The following RBPJ variants were observed in gnomAD, a reference collection of about 807,000 sequenced individuals.
RBPJ encodes the protein recombination signal binding protein for immunoglobulin kappa J region, also known as recombining binding protein suppressor of hairless.
In RBPJ, 9 loss-of-function variants were observed where a neutral mutation model predicts 67.8. The ratio of observed to expected loss-of-function variants is 0.13; its 90% confidence interval spans 0.08 to 0.23. The LOEUF is 0.23. Among genes scored for constraint, RBPJ ranks in the 10% least tolerant of loss-of-function variants. The pLI is 1.00. For synonymous variants in RBPJ, 198 were observed against 203.3 expected, an observed-to-expected ratio of 0.97 and a Z score of 0.22; for missense variants, 305 against 595.6, an observed-to-expected ratio of 0.51 and a Z score of 5.08.
intron 1 of RBPJ, among the ~76,000 whole-genome samples, chr4:26,345,938 G>A (rs1726088971): frequency 6.6e-6 from 1 of 152,128 alleles, no homozygotes; most frequent in African/African-American, 2.4e-5. Flanking sequence ...GCTCTATAAT[G>A]AAGCTTTTTT....
chr4:26,259,671 G>A (rs1442140242), intron 1 of RBPJ, among the ~76,000 whole-genome samples: 2 of 152,200 alleles, frequency 1.3e-5, no homozygotes, highest in Non-Finnish European at 2.9e-5. Context: ...CCTCAATTTT[G>A]TAGTCAGAAT....
intron 1 of RBPJ, among the ~76,000 whole-genome samples, chr4:26,341,965 A>G (rs925260468): frequency 1.3e-4 from 20 of 152,220 alleles, no homozygotes; most frequent in African/African-American, 4.6e-4. Flanking sequence ...GGGATGGGAC[A>G]TAGTGCAAAA....
rs192940461 is a variant in RBPJ at position 26,270,477 on chromosome 4, T to C, written c.-166-91969T>C. On this transcript the variant is annotated intron_variant, in intron 1 of 4. Coordinates refer to the RBPJ transcript ENST00000512351. ...GAAAGAAAAGAAAAGGAAAGAAAGA[T>C]GAAAGGAGGGAGGAAGGAAGGAAGG... 9.9e-4 allele frequency among the ~76,000 whole-genome samples: 130 copies of C among 131,836 alleles called. 2 individuals carry two copies. The highest frequency in any genetic ancestry group is 3.6e-3 in the African/African-American group (126 of 35,396). The allele number at this position is 131,836 out of a possible 152,430, so 86.5% of individuals were successfully genotyped here.
intron 1 of RBPJ, among the ~76,000 whole-genome samples, chr4:26,305,771 C>T (rs201876162): frequency 2.0e-3 from 134 of 67,646 alleles, no homozygotes; most frequent in Admixed American, 3.6e-3. Context: ...ATTTTCTTTT[C>T]TTTTTTTTTT....
At chr4:26,270,517 C>T (rs914168839) in intron 1 of RBPJ, among the ~76,000 whole-genome samples, 4 of 151,690 alleles carry the variant, frequency 2.6e-5, no homozygotes, top group East Asian at 1.9e-4. Context: ...AAGGAGAAAT[C>T]GGTAGTACAC....
chr4:26,420,977 T>A, intron 5 of RBPJ: 1 of 413,810 alleles, frequency 2.4e-6, no homozygotes, highest in Admixed American at 4.1e-5. Context: ...CTCCTTCTGT[T>A]GTTACAGTGA....
intron 1 of RBPJ, among the ~76,000 whole-genome samples, chr4:26,357,394 T>C (rs1270338729): frequency 1.3e-5 from 2 of 152,154 alleles, no homozygotes; most frequent in Non-Finnish European, 2.9e-5. Flanking sequence ...AGGAAAATGG[T>C]TGAATGTTGT....
chr4:26,157,004 A>C, the RBPJ span, among the ~76,000 whole-genome samples: 1 of 150,880 alleles, frequency 6.6e-6, no homozygotes, highest in Admixed American at 6.6e-5. Context: ...GAGCCCAGGG[A>C]GACTGAGGCT....
At chr4:26,386,044 G>A (rs1244542765) in intron 1 of RBPJ, among the ~76,000 whole-genome samples, 1 of 152,152 alleles carries the variant, frequency 6.6e-6, no homozygotes. Flanking sequence ...GATAAACTTT[G>A]TGAGGGTCTT....
At chr4:26,403,965 C>T (rs1733115226) in intron 2 of RBPJ, among the ~76,000 whole-genome samples, 2 of 152,198 alleles carry the variant, frequency 1.3e-5, no homozygotes, top group Non-Finnish European at 1.5e-5. Context: ...CGCCATACTA[C>T]TTTCCACAAC....
At chr4:26,351,931 G>C (rs1726848859) in intron 1 of RBPJ, among the ~76,000 whole-genome samples, 1 of 152,180 alleles carries the variant, frequency 6.6e-6, no homozygotes, top group Admixed American at 6.5e-5. Flanking sequence ...AACAGTGTGT[G>C]CTAAGAGCTG....
the RBPJ span, among the ~76,000 whole-genome samples, chr4:26,128,685 G>A: frequency 6.6e-6 from 1 of 152,174 alleles, no homozygotes; most frequent in African/African-American, 2.4e-5. Context: ...CTTATGAGAT[G>A]ATGTCTGATA....
At chr4:26,114,333 C>T in the RBPJ span, among the ~76,000 whole-genome samples, 1 of 151,574 alleles carries the variant, frequency 6.6e-6, no homozygotes, top group Admixed American at 6.6e-5. Flanking sequence ...GTGGCGTGTG[C>T]CTATAATCCC....
intron 1 of RBPJ, among the ~76,000 whole-genome samples, chr4:26,374,479 C>CTT (rs71186405): frequency 6.9e-6 from 1 of 144,010 alleles, no homozygotes. Flanking sequence ...TCACCCTTTT[C>CTT]TTTTTTTTTT....
At chr4:26,135,233 C>G in the RBPJ span, among the ~76,000 whole-genome samples, 2 of 152,080 alleles carry the variant, frequency 1.3e-5, no homozygotes, top group Non-Finnish European at 2.9e-5. Flanking sequence ...CACCTTCTTC[C>G]CTAATTCCAG....
At chr4:26,148,050 A>G in the RBPJ span, among the ~76,000 whole-genome samples, 1 of 152,212 alleles carries the variant, frequency 6.6e-6, no homozygotes, top group Non-Finnish European at 1.5e-5. Flanking sequence ...TCTAGTGTAT[A>G]CTAACATTTA....
chr4:26,304,270 G>C (rs1484803367), intron 1 of RBPJ, among the ~76,000 whole-genome samples: 1 of 152,106 alleles, frequency 6.6e-6, no homozygotes, highest in African/African-American at 2.4e-5. Flanking sequence ...CATTTGCATT[G>C]CTTCCACTTT....
intron 1 of RBPJ, among the ~76,000 whole-genome samples, chr4:26,174,318 T>C (rs1486852604): frequency 6.6e-6 from 1 of 152,196 alleles, no homozygotes; most frequent in Admixed American, 6.5e-5. Context: ...GGACTTCCTC[T>C]GGTGACTGAC....
At chr4:26,285,633 C>T (rs78752039) in intron 1 of RBPJ, among the ~76,000 whole-genome samples, 2,937 of 144,458 alleles carry the variant, frequency 0.02, 53 homozygotes, top group Middle Eastern at 0.099. Flanking sequence ...CACCAAAACC[C>T]TTATGTAAAA....
Sources: gnomAD v4.1 joint callset for allele counts (sites outside exome capture counted in the v4.1 genomes callset) on GRCh38, gnomAD v4.1.1 for gene constraint, MANE v1.5 for transcripts, NCBI Gene and HGNC (gene_info 2026-07-23, HGNC 2026-07-21) for gene names.